Variants in EMSY observed in about 807,000 individuals in gnomAD.
EMSY encodes the protein EMSY transcriptional repressor, BRCA2 interacting, also known as BRCA2-interacting transcriptional repressor EMSY.
Under a neutral mutation model 134.6 loss-of-function variants are expected in EMSY, and 26 were observed. The observed-to-expected ratio is 0.19, with a 90% CI of 0.14 to 0.27. The LOEUF (loss-of-function observed/expected upper bound fraction) is 0.27, where lower values mean the gene tolerates loss of function less well. EMSY is among the 10% of genes least tolerant of loss of function. EMSY has a pLI of 1.00. For missense variants in EMSY, 1,305 were observed against 1,611.4 expected (o/e 0.81, Z 3.26); for synonymous variants, 579 against 577.8 (o/e 1.00, Z -0.03).
intron 4 of EMSY, 63 bp from the exon 5 acceptor site, chr11:76,454,686 A>G: frequency 1.8e-6 from 2 of 1,103,628 alleles, no homozygotes; most frequent in Non-Finnish European, 2.5e-6. Flanking sequence ...AAGTTGATGC[A>G]TCAGTTTCAT....
chr11:76,518,703 A>ATATATTTT lies in EMSY; in HGVS notation c.1684+2392_1684+2393insATATTTTT, dbSNP rs57143914. Among the ~76,000 whole-genome samples, 1,185 of 130,148 alleles carry ATATATTTT rather than the reference A, an allele frequency of 9.1e-3. 15 individuals carry two copies. The highest frequency in any genetic ancestry group is 0.046 in the East Asian group (202 of 4,364). The allele number at this position is 130,148 out of a possible 152,430, so 85.4% of individuals were successfully genotyped here. ...TGCGCGCATATATATATATATATAT[A>ATATATTTT]TTTTTTTTTTAATTGGGATCTAATA... On this transcript the variant is annotated intron_variant, in intron 11 of 20. Transcript: ENST00000334736.
At chr11:76,494,916 A>G (rs1055071947) in intron 8 of EMSY, among the ~76,000 whole-genome samples, 3 of 151,830 alleles carry the variant, frequency 2.0e-5, no homozygotes, top group African/African-American at 7.3e-5. Flanking sequence ...TTGTATTTTT[A>G]GTAGAGATGG....
intron 2 of EMSY, among the ~76,000 whole-genome samples, chr11:76,447,421 G>C (rs1328943626): frequency 6.6e-6 from 1 of 152,208 alleles, no homozygotes; most frequent in Non-Finnish European, 1.5e-5. Flanking sequence ...ATTTGAACCA[G>C]GGAGTATGCT....
At chr11:76,455,219 T>C (rs1308341271) in intron 4 of EMSY, among the ~76,000 whole-genome samples, 3 of 152,196 alleles carry the variant, frequency 2.0e-5, no homozygotes, top group Non-Finnish European at 4.4e-5. Flanking sequence ...TCCTTTCTGA[T>C]TTCTTTAATA....
intron 19 of EMSY, 111 bp from the exon 21 acceptor site, chr11:76,545,686 T>C: frequency 7.7e-7 from 1 of 1,291,444 alleles, no homozygotes; most frequent in Non-Finnish European, 1.1e-6. Flanking sequence ...TTCAAAACTG[T>C]CTTCCTAGTA....
chr11:76,452,766 A>G lies in EMSY; in HGVS notation c.171-548A>G, dbSNP rs1163853705. On this transcript the variant is annotated intron_variant, in intron 3 of 20. Coordinates refer to ENST00000334736, the Ensembl canonical transcript of EMSY. The stretch of plus-strand genomic sequence containing the variant: ...AATGTAATGTAGAAGATATGCAGCT[A>G]AAGTATTGAATAATAAAGGAATATT... 3.9e-5 allele frequency among the ~76,000 whole-genome samples: 6 copies of G among 152,240 alleles called. No homozygotes were observed. The East Asian group carries it at 1.2e-3, about 29-fold the overall frequency.
At chr11:76,488,514 T>G (rs1376348869) in intron 8 of EMSY, among the ~76,000 whole-genome samples, 2 of 139,102 alleles carry the variant, frequency 1.4e-5, no homozygotes, top group Non-Finnish European at 3.1e-5. Flanking sequence ...GCCCATGGAT[T>G]ATTTATGCTA....
At position 76,536,250 on chromosome 11, in the gene EMSY, G is replaced by GTTC. The variant is rs1951220802; in HGVS notation, c.2359+191_2359+192insTTC. 2.0e-5 allele frequency among the ~76,000 whole-genome samples: 3 copies of GTTC among 152,152 alleles called. No individual in the cohort carries two copies. The South Asian group carries it at 6.2e-4, about 32-fold the overall frequency. ...TCTGGTTTACTTGTTAGTTCAGTAA[G>GTTC]ATGTGCACAGGAATATTGAAGTACA... On this transcript the variant is annotated intron_variant, in intron 15 of 20. Transcript: ENST00000334736.
intron 8 of EMSY, among the ~76,000 whole-genome samples, chr11:76,479,940 A>T (rs1402240039): frequency 6.6e-6 from 1 of 152,204 alleles, no homozygotes; most frequent in Non-Finnish European, 1.5e-5. Flanking sequence ...TATCATGATG[A>T]ACTAAAAATT....
chr11:76,485,432 C>G (rs762765220), intron 8 of EMSY, among the ~76,000 whole-genome samples: 5 of 152,122 alleles, frequency 3.3e-5, no homozygotes, highest in Non-Finnish European at 7.4e-5. Context: ...ATAAACAGAG[C>G]CAATGACAAA....
intron 2 of EMSY, among the ~76,000 whole-genome samples, chr11:76,448,329 CTT>C (rs540776567): frequency 6.9e-5 from 10 of 144,430 alleles, no homozygotes; most frequent in African/African-American, 1.0e-4. Flanking sequence ...GGATGTCAAT[CTT>C]TTTTTTTTTT....
intron 7 of EMSY, 99 bp downstream of exon 8, chr11:76,464,179 A>G: frequency 4.4e-6 from 6 of 1,374,900 alleles, no homozygotes; most frequent in Non-Finnish European, 6.0e-6. Flanking sequence ...TGTGCTTGGC[A>G]TTATGCTGGG....
chr11:76,506,156 C>T (rs1950068389), intron 9 of EMSY, among the ~76,000 whole-genome samples: 2 of 151,852 alleles, frequency 1.3e-5, no homozygotes, highest in African/African-American at 4.8e-5. Flanking sequence ...AAAAAATATT[C>T]CAGGGCATTA....
chr11:76,543,488 G>T (rs1328490886), intron 18 of EMSY, among the ~76,000 whole-genome samples: 2 of 152,154 alleles, frequency 1.3e-5, no homozygotes, highest in Non-Finnish European at 2.9e-5. Flanking sequence ...CCCTCAGCTG[G>T]CAGCTCCTGA....
intron 8 of EMSY, among the ~76,000 whole-genome samples, chr11:76,478,779 ATTG>A (rs897402997): frequency 1.3e-5 from 2 of 150,766 alleles, no homozygotes; most frequent in Admixed American, 6.6e-5. Flanking sequence ...TATTTTTATT[ATTG>A]TTGCATAATT....
At chr11:76,486,177 C>T (rs1218718958) in intron 8 of EMSY, among the ~76,000 whole-genome samples, 1 of 152,112 alleles carries the variant, frequency 6.6e-6, no homozygotes, top group African/African-American at 2.4e-5. Flanking sequence ...CAAATATTCT[C>T]ACTCATAAGT....
At chr11:76,496,893 T>C (rs915585460) in intron 9 of EMSY, 2 of 298,846 alleles carry the variant, frequency 6.7e-6, no homozygotes, top group Admixed American at 5.1e-5. Flanking sequence ...TTTTGGTGTT[T>C]TATTTTATTG....
At chr11:76,482,302 G>A (rs749675294) in intron 8 of EMSY, among the ~76,000 whole-genome samples, 10 of 152,178 alleles carry the variant, frequency 6.6e-5, no homozygotes, top group South Asian at 2.1e-4. Context: ...AAAAACCAGC[G>A]CAGAAAGGCT....
chr11:76,526,869 A>G (rs1950863832), intron 13 of EMSY, among the ~76,000 whole-genome samples: 1 of 152,198 alleles, frequency 6.6e-6, no homozygotes, highest in South Asian at 2.1e-4. Flanking sequence ...TTATGGGGAA[A>G]TAATTACCTA....
Sources: allele counts gnomAD v4.1 joint callset (sites outside exome capture counted in the v4.1 genomes callset), GRCh38; gene constraint gnomAD v4.1.1; transcripts MANE v1.5; gene names NCBI Gene and HGNC (gene_info 2026-07-23, HGNC 2026-07-21).